The following SLC35F3 variants were observed in gnomAD, a reference collection of about 807,000 sequenced individuals.
The protein encoded by SLC35F3 is solute carrier family 35 member F3.
SLC35F3 carries 25 observed loss-of-function variants against 49.9 expected under a neutral mutation model. The observed-to-expected ratio is 0.50, with a 90% CI of 0.37 to 0.70. The LOEUF is 0.70. SLC35F3 is among the 30% of genes least tolerant of loss of function. The pLI is 0.00. For synonymous variants in SLC35F3, 275 were observed against 265.4 expected (o/e 1.04, Z -0.35); for missense variants, 525 against 639.8 (o/e 0.82, Z 1.94).
intron 3 of SLC35F3, among the ~76,000 whole-genome samples, chr1:234,270,302 T>G (rs1487958104): frequency 6.6e-6 from 1 of 152,130 alleles, no homozygotes; most frequent in East Asian, 1.9e-4. Flanking sequence ...CTTCTGCCAG[T>G]GAGTCATAAA....
intron 2 of SLC35F3, among the ~76,000 whole-genome samples, chr1:234,029,133 G>A (rs9435541): frequency 0.25 from 37,807 of 152,072 alleles, 9,678 homozygotes; most frequent in African/African-American, 0.65. Context: ...TTGGGGCTGG[G>A]TGATAACATC....
At chr1:234,018,299 T>G (rs1322701091) in intron 2 of SLC35F3, among the ~76,000 whole-genome samples, 1 of 152,202 alleles carries the variant, frequency 6.6e-6, no homozygotes, top group Non-Finnish European at 1.5e-5. Context: ...TCTCATTACT[T>G]TATGCCCTAG....
At chr1:234,096,020 T>C (rs1665111863) in intron 2 of SLC35F3, among the ~76,000 whole-genome samples, 1 of 152,260 alleles carries the variant, frequency 6.6e-6, no homozygotes, top group Admixed American at 6.5e-5. Context: ...CTTTGTTTCA[T>C]GTGTTTCTTA....
intron 2 of SLC35F3, among the ~76,000 whole-genome samples, chr1:233,991,242 G>A (rs990996877): frequency 6.6e-6 from 1 of 152,276 alleles, no homozygotes; most frequent in South Asian, 2.1e-4. Flanking sequence ...TGGGAGGGCA[G>A]CCTGTCTGGG....
chr1:234,049,302 C>G (rs185091520), intron 2 of SLC35F3, among the ~76,000 whole-genome samples: 1 of 152,042 alleles, frequency 6.6e-6, no homozygotes, highest in African/African-American at 2.4e-5. Context: ...GATTAGTGGC[C>G]TTTAAAGAAG....
chr1:234,307,474 A>G (rs1657227079), intron 3 of SLC35F3, among the ~76,000 whole-genome samples: 1 of 152,210 alleles, frequency 6.6e-6, no homozygotes, highest in Non-Finnish European at 1.5e-5. Flanking sequence ...GTCATGAACA[A>G]AGACAGATTT....
At chr1:234,232,171 T>C (rs73110477) in intron 3 of SLC35F3, among the ~76,000 whole-genome samples, 1,550 of 152,308 alleles carry the variant, frequency 0.01, 29 homozygotes, top group African/African-American at 0.035. Context: ...GAGACTTCCT[T>C]ACTCATCCTC....
chr1:234,042,527 T>G (rs12087895), intron 2 of SLC35F3, among the ~76,000 whole-genome samples: 1 of 152,270 alleles, frequency 6.6e-6, no homozygotes, highest in Non-Finnish European at 1.5e-5. Context: ...AACAAATTCT[T>G]TTTTCTTTTG....
At chr1:234,194,696 T>C (rs1414329228) in intron 2 of SLC35F3, among the ~76,000 whole-genome samples, 1 of 152,094 alleles carries the variant, frequency 6.6e-6, no homozygotes, top group African/African-American at 2.4e-5. Flanking sequence ...TAGAAACATA[T>C]GTGGGTGTCA....
chr1:234,181,132 A>T (rs1311388191), intron 2 of SLC35F3, among the ~76,000 whole-genome samples: 1 of 152,124 alleles, frequency 6.6e-6, no homozygotes, highest in Non-Finnish European at 1.5e-5. Flanking sequence ...CAGGAGTTGG[A>T]GACCAGCCTG....
At chr1:233,991,807 T>G (rs191263269) in intron 2 of SLC35F3, among the ~76,000 whole-genome samples, 10 of 152,322 alleles carry the variant, frequency 6.6e-5, no homozygotes, top group South Asian at 2.1e-4. Flanking sequence ...ATCATCATCA[T>G]CAGCATCATC....
chr1:234,306,492 T>A (rs1353850776), intron 3 of SLC35F3: 1 of 153,204 alleles, frequency 6.5e-6, no homozygotes, highest in Non-Finnish European at 1.5e-5. Context: ...GACTGTGCGC[T>A]AATCTCTTAG....
chr1:234,157,124 T>C (rs1666166451), intron 2 of SLC35F3, among the ~76,000 whole-genome samples: 1 of 152,238 alleles, frequency 6.6e-6, no homozygotes. Flanking sequence ...ATGTATCTTA[T>C]ATCTCAATAA....
Position 234,311,633 on chromosome 1 carries a change from C to A in SLC35F3, c.828+2313C>A, listed in dbSNP as rs112038074. Among the ~76,000 whole-genome samples the A allele has an allele frequency of 3.7e-3, 565 of 152,328 alleles. 4 individuals are homozygous for A. Among genetic ancestry groups the A allele is most frequent in the African/African-American group, 0.013 (532 of 41,570 alleles). On this transcript the variant is annotated intron_variant, in intron 4 of 7. Transcript: ENST00000366618. ...GTGCGCAGATCCAAAAGGAAGCAAA[C>A]GTGTCTTATCATGCTGGGGAGATTC...
At chr1:234,254,752 G>A (rs148099649) in intron 3 of SLC35F3, among the ~76,000 whole-genome samples, 75 of 152,290 alleles carry the variant, frequency 4.9e-4, no homozygotes, top group East Asian at 4.8e-3. Flanking sequence ...TAAAGTTCAC[G>A]AATAAATTAT....
chr1:234,315,632 T>C (rs1213668423), intron 4 of SLC35F3, among the ~76,000 whole-genome samples: 2 of 152,200 alleles, frequency 1.3e-5, no homozygotes, highest in Admixed American at 6.5e-5. Flanking sequence ...CAGTTAACCT[T>C]AGCTATTTGA....
At chr1:234,048,564 G>A (rs1160328020) in intron 2 of SLC35F3, among the ~76,000 whole-genome samples, 4 of 151,568 alleles carry the variant, frequency 2.6e-5, no homozygotes, top group Non-Finnish European at 4.4e-5. Flanking sequence ...TGGGATCATG[G>A]GTCAAAACTG....
Position 234,146,481 on chromosome 1 carries a change from C to CTTTTTTTTT in SLC35F3, c.284-84920_284-84912dup, listed in dbSNP as rs869146212. 7.4e-4 allele frequency among the ~76,000 whole-genome samples: 55 copies of CTTTTTTTTT among 74,040 alleles called. 8 individuals carry two copies. The highest frequency in any genetic ancestry group is 1.9e-3 in the African/African-American group (30 of 16,034). 48.6% of individuals were successfully genotyped at this position (74,040 alleles called of 152,430 possible). A position where few individuals can be genotyped will look rare whatever the true frequency, so the allele number is the denominator to read the frequency against. On this transcript the variant is annotated intron_variant, in intron 2 of 7. Transcript: ENST00000366618. ...AATAAAAGTTACCAAGATATTTGCT[C>CTTTTTTTTT]TTTTTTTTTTTTTTTTTTTTTTTTC...
intron 3 of SLC35F3, among the ~76,000 whole-genome samples, chr1:234,248,163 G>A (rs113946951): frequency 6.6e-6 from 1 of 152,058 alleles, no homozygotes; most frequent in African/African-American, 2.4e-5. Context: ...GGGTTGGTTG[G>A]CTGGTCCATT....
Sources: gnomAD v4.1 joint callset for allele counts (sites outside exome capture counted in the v4.1 genomes callset) on GRCh38, gnomAD v4.1.1 for gene constraint, MANE v1.5 for transcripts, NCBI Gene and HGNC (gene_info 2026-07-23, HGNC 2026-07-21) for gene names.